Variants in TFEC observed in about 807,000 individuals in gnomAD.
The protein encoded by TFEC is transcription factor EC, also known as class E basic helix-loop-helix protein 34.
In TFEC, 31 loss-of-function variants were observed where a neutral mutation model predicts 41.6. The observed-to-expected ratio is 0.74, with a 90% CI of 0.56 to 1.01. TFEC has a LOEUF of 1.01. TFEC is among the 50% of genes least tolerant of loss of function. The pLI, the probability that TFEC is intolerant of heterozygous loss-of-function variation, is 0.00. For missense variants in TFEC, 402 were observed against 404.1 expected (o/e 0.99, Z 0.04); for synonymous variants, 143 against 140.6 (o/e 1.02, Z -0.12).
At chr7:116,070,381 T>C (rs972469199) in intron 3 of TFEC, among the ~76,000 whole-genome samples, 1 of 151,426 alleles carries the variant, frequency 6.6e-6, no homozygotes, top group South Asian at 2.1e-4. Context: ...CCAAAATGTA[T>C]TCATTTGAAA....
At chr7:116,010,803 T>A (rs1284357782) in intron 1 of TFEC, among the ~76,000 whole-genome samples, 1 of 152,208 alleles carries the variant, frequency 6.6e-6, no homozygotes, top group Non-Finnish European at 1.5e-5. Context: ...AAAATTGTTG[T>A]TTAAAGTCTG....
chr7:116,101,768 G>T (rs919069640), intron 3 of TFEC, among the ~76,000 whole-genome samples: 1 of 152,096 alleles, frequency 6.6e-6, no homozygotes, highest in African/African-American at 2.4e-5. Flanking sequence ...ATTAGAAAAT[G>T]CTTGACGGCA....
At chr7:116,067,764 A>C (rs1295476453) in intron 3 of TFEC, among the ~76,000 whole-genome samples, 6 of 151,988 alleles carry the variant, frequency 3.9e-5, no homozygotes, top group Admixed American at 3.9e-4. Flanking sequence ...GTCCTTGACT[A>C]AAGTCTTTCC....
chr7:116,129,705 G>A (rs866784303), intron 1 of TFEC, among the ~76,000 whole-genome samples: 5 of 147,452 alleles, frequency 3.4e-5, no homozygotes, highest in Non-Finnish European at 7.4e-5. Flanking sequence ...CAATTCTCCT[G>A]CCTCAGCCTC....
chr7:115,950,292 G>A (rs962369922), intron 6 of TFEC, among the ~76,000 whole-genome samples: 16 of 152,068 alleles, frequency 1.1e-4, no homozygotes, highest in African/African-American at 3.1e-4. Context: ...GATTACAGGC[G>A]TTCACATTTT....
chr7:116,103,604 T>C (rs1797651262), intron 3 of TFEC, among the ~76,000 whole-genome samples: 1 of 152,188 alleles, frequency 6.6e-6, no homozygotes, highest in Non-Finnish European at 1.5e-5. Context: ...AATTATACTA[T>C]TTCTGTTTTT....
exon 3 of TFEC, chr7:116,110,803 C>G (rs1198855187): frequency 6.5e-7 from 1 of 1,548,204 alleles, no homozygotes; most frequent in Non-Finnish European, 8.7e-7. Flanking sequence ...ATGTGGAACT[C>G]TGTTCTATGG....
chr7:116,099,808 T>A (rs551927571), intron 3 of TFEC, among the ~76,000 whole-genome samples: 1 of 152,220 alleles, frequency 6.6e-6, no homozygotes, highest in African/African-American at 2.4e-5. Flanking sequence ...AATGCGTAAC[T>A]AATACAGCAT....
chr7:115,964,959 A>G (rs1024848257), intron 3 of TFEC, among the ~76,000 whole-genome samples: 1 of 151,622 alleles, frequency 6.6e-6, no homozygotes, highest in African/African-American at 2.4e-5. Context: ...AGCCCAATGC[A>G]TGGTAGACTA....
chr7:116,145,936 T>C (rs1284906791), intron 1 of TFEC, among the ~76,000 whole-genome samples: 1 of 152,188 alleles, frequency 6.6e-6, no homozygotes, highest in Non-Finnish European at 1.5e-5. Context: ...CTTTATATTT[T>C]TGAACTCAAA....
intron 2 of TFEC, among the ~76,000 whole-genome samples, chr7:115,975,845 T>A (rs888992997): frequency 6.6e-6 from 1 of 152,116 alleles, no homozygotes; most frequent in Admixed American, 6.6e-5. Flanking sequence ...AAGTTCAACA[T>A]GTTTGAGAAA....
intron 1 of TFEC, among the ~76,000 whole-genome samples, chr7:116,146,399 C>A (rs1260110302): frequency 6.6e-6 from 1 of 152,166 alleles, no homozygotes; most frequent in African/African-American, 2.4e-5. Flanking sequence ...TGTTTAGTGT[C>A]TATGGAGATA....
In TFEC at chr7:115,940,829, G is replaced by T. The variant is rs757590571; in HGVS notation, c.766C>A (p.Gln256Lys). Residue 256 changes from glutamine (Q) to lysine (K), a missense_variant, in exon 8 of 8, where the codon CAG becomes AAG. Physicochemically the swap from Gln to Lys is moderately conservative, Grantham distance 53. Coordinates refer to ENST00000265440, the MANE Select transcript of TFEC (RefSeq NM_012252.4). ...TGTTGGCAATAGTCTACTGAATTCT[G>T]CTCAGGATGGCTCTGCTGTTTGGTG... ...HVTKQQSHPE[Q>K]NSVDYCQQLT... 8 of 1,613,346 alleles carry T rather than the reference G, an allele frequency of 5.0e-6. No individual in the cohort carries two copies. The highest frequency in any genetic ancestry group is 4.0e-5 in the African/African-American group (3 of 74,840).
intron 2 of TFEC, among the ~76,000 whole-genome samples, chr7:115,983,189 C>A (rs1258205905): frequency 2.6e-5 from 4 of 151,962 alleles, no homozygotes; most frequent in Non-Finnish European, 5.9e-5. Flanking sequence ...TTTTATATAT[C>A]CACTACTGTA....
intron 6 of TFEC, among the ~76,000 whole-genome samples, chr7:115,945,677 A>G (rs997189869): frequency 1.4e-4 from 22 of 151,818 alleles, no homozygotes; most frequent in African/African-American, 5.1e-4. Context: ...TACATACAAC[A>G]CAATAGAAAT....
rs560876002 is a variant in TFEC at position 116,114,187 on chromosome 7, T to G, written c.-68-2149A>C. ...CTCAGTAAGTTACTGTTATTATTAA[T>G]AGTATGATAAGCTAGAATGATGGGT... On this transcript the variant is annotated intron_variant, in intron 1 of 8. Coordinates refer to the TFEC transcript ENST00000484212. Among the ~76,000 whole-genome samples, 7 of 152,148 alleles carry G rather than the reference T, an allele frequency of 4.6e-5. No individual in the cohort carries two copies. The South Asian group carries it at 1.5e-3, about 32-fold the overall frequency.
intron 1 of TFEC, among the ~76,000 whole-genome samples, chr7:116,133,937 A>G (rs1798385789): frequency 6.6e-6 from 1 of 152,184 alleles, no homozygotes; most frequent in Non-Finnish European, 1.5e-5. Context: ...AATAGCAACA[A>G]CAAAAAAAAA....
intron 1 of TFEC, among the ~76,000 whole-genome samples, chr7:116,020,524 CTT>C (rs1365533501): frequency 6.6e-6 from 1 of 152,144 alleles, no homozygotes; most frequent in African/African-American, 2.4e-5. Flanking sequence ...TTAGTTCTCT[CTT>C]TTATTCAGGT....
intron 1 of TFEC, among the ~76,000 whole-genome samples, chr7:116,137,930 T>C (rs1381550057): frequency 6.6e-6 from 1 of 151,908 alleles, no homozygotes; most frequent in Admixed American, 6.6e-5. Flanking sequence ...GAAATGAATA[T>C]GAATAAAATA....
Sources: gnomAD v4.1 joint callset for allele counts (sites outside exome capture counted in the v4.1 genomes callset) on GRCh38, gnomAD v4.1.1 for gene constraint, MANE v1.5 for transcripts, NCBI Gene and HGNC (gene_info 2026-07-23, HGNC 2026-07-21) for gene names.